Variants in VPS51 observed in about 807,000 individuals in gnomAD.
VPS51 encodes VPS51 subunit of GARP complex.
Under a neutral mutation model 65.1 loss-of-function variants are expected in VPS51, and 55 were observed. The ratio of observed to expected loss-of-function variants is 0.84; its 90% CI spans 0.68 to 1.06. The LOEUF (loss-of-function observed/expected upper bound fraction) is 1.06, where lower values mean the gene tolerates loss of function less well. Ranked by LOEUF, VPS51 falls within the 50% of genes least tolerant of loss-of-function variation. The pLI is 0.00. For synonymous variants in VPS51, 473 were observed against 489.5 expected, an observed-to-expected ratio of 0.97 and a Z score of 0.44; for missense variants, 943 against 1,101.6, an observed-to-expected ratio of 0.86 and a Z score of 2.04.
In VPS51 at chr11:65,107,762, T is replaced by A; in HGVS notation, c.505+35T>A. On this transcript the variant is annotated intron_variant, in intron 3 of 9. Coordinates refer to ENST00000279281, the MANE Select transcript of VPS51 (RefSeq NM_013265.4). The surrounding 1 kb of genome is among the most constrained non-coding windows in gnomAD (Gnocchi z 4.0). ...GCCGGGCAGGGCCTGCAGTGGGCCT[T>A]TCCTGGGGCTCTGGGGCTAACGTCA... 6.2e-7 allele frequency: 1 copy of A among 1,604,644 alleles called. No homozygotes were observed. The highest frequency in any genetic ancestry group is 8.5e-7 in the Non-Finnish European group (1 of 1,175,652).
At position 65,111,852 on chromosome 11, in the gene VPS51, C is replaced by T. The variant is rs1590815300; in HGVS notation, c.*265C>T. 7 of 991,252 alleles carry T rather than the reference C, an allele frequency of 7.1e-6. No individual in the cohort carries two copies. In the East Asian group the frequency reaches 7.8e-5, roughly 11 times the overall value. 61.4% of individuals were successfully genotyped at this position (991,252 alleles called of 1,614,324 possible). ...CAGGGGGCGGTTCCACTTAAAAACC[C>T]TGGGACGAGAGCGGTCCTTGTCTGC... On this transcript the variant is annotated 3_prime_UTR_variant, in exon 10 of 10. Transcript: ENST00000279281.
intron 2 of VPS51, among the ~76,000 whole-genome samples, chr11:65,102,057 T>C (rs559308392): frequency 1.7e-4 from 26 of 149,310 alleles, no homozygotes; most frequent in Admixed American, 1.0e-3. Flanking sequence ...TCTTGCTCTG[T>C]CATCCAGGCT....
chr11:65,096,877 CG>C, intron 1 of VPS51, 120 bp from the exon 2 acceptor site: 1 of 1,389,552 alleles, frequency 7.2e-7, no homozygotes, highest in East Asian at 2.7e-5. Context: ...TGACAGCCGG[CG>C]GGGGTTTGCG....
chr11:65,101,894 A>G (rs1319136828), intron 2 of VPS51, among the ~76,000 whole-genome samples: 1 of 151,780 alleles, frequency 6.6e-6, no homozygotes, highest in Non-Finnish European at 1.5e-5. Flanking sequence ...GGGAAACAGC[A>G]TAACCAGCAA....
intron 7 of VPS51, 57 bp from the exon 8 acceptor site, chr11:65,110,425 T>A: frequency 6.2e-7 from 1 of 1,612,804 alleles, no homozygotes; most frequent in Non-Finnish European, 8.5e-7. Flanking sequence ...TCAGCACCGA[T>A]GGGCTGGTGG....
intron 2 of VPS51, among the ~76,000 whole-genome samples, chr11:65,100,825 C>T (rs1359880100): frequency 6.6e-6 from 1 of 152,050 alleles, no homozygotes; most frequent in East Asian, 1.9e-4. Flanking sequence ...GGATTACAGG[C>T]AAGAGCCACC....
intron 9 of VPS51, 178 bp from the exon 10 acceptor site, chr11:65,111,149 C>T: frequency 2.1e-6 from 2 of 974,436 alleles, no homozygotes; most frequent in Non-Finnish European, 3.2e-6. Flanking sequence ...CTACCTGTCC[C>T]CTGCCCTCCA....
intron 2 of VPS51, among the ~76,000 whole-genome samples, chr11:65,098,140 C>T (rs1262710848): frequency 2.6e-5 from 4 of 152,032 alleles, no homozygotes; most frequent in Admixed American, 6.6e-5. Context: ...AAGATCACGT[C>T]ACTGCACTCC....
In VPS51 at chr11:65,108,230, G is replaced by A. The variant is rs1412337542; in HGVS notation, c.759G>A (p.Glu253=). The change falls in exon 5 of 10, where the codon GAG becomes GAA. Residue 253 remains glutamate, a synonymous_variant. Coordinates refer to ENST00000279281, the MANE Select transcript of VPS51 (RefSeq NM_013265.4). The part of the protein sequence containing the change: ...EGGSGAPEQA[E]CVELLLALGE... ...GCTCAGGCGCCCCGGAGCAGGCAGA[G>A]TGCGTGGAGCTGCTGCTGGCCCTGG... The A allele has an allele frequency of 1.0e-5, 16 of 1,600,438 alleles. No individual in the cohort carries two copies. Among genetic ancestry groups the A allele is most frequent in the Middle Eastern group, 2.0e-4 (1 of 5,070 alleles).
At chr11:65,104,298 A>G (rs1947828252) in intron 2 of VPS51, among the ~76,000 whole-genome samples, 1 of 152,162 alleles carries the variant, frequency 6.6e-6, no homozygotes, top group Admixed American at 6.5e-5. Flanking sequence ...TATCTCCATA[A>G]TACATCTCGT....
chr11:65,109,704 G>C lies in VPS51; in HGVS notation c.1660-1G>C, dbSNP rs755959864. 2.6e-6 allele frequency: 4 copies of C among 1,562,980 alleles called. No individual in the cohort carries two copies. Among genetic ancestry groups the C allele is most frequent in the Non-Finnish European group, 3.5e-6 (4 of 1,153,098 alleles). ...CTCTGTCCTCTGCCTCCTTGGCTCA[G>C]GATCAGTTCCCAGTGACGCCCGTGA... is the stretch of plus-strand genomic sequence containing the variant. On this transcript the variant is annotated splice_acceptor_variant, in intron 6 of 9. Transcript: ENST00000279281. LOFTEE classifies it high-confidence loss of function.
chr11:65,111,012 C>T (rs1947893923), intron 9 of VPS51: 6 of 662,400 alleles, frequency 9.1e-6, no homozygotes, highest in Admixed American at 7.4e-5. Flanking sequence ...GGGTGCTGAC[C>T]TGGGATTACT....
rs770215985 is a variant in VPS51 at position 65,096,499 on chromosome 11, G to T, written c.228+21G>T. The T allele has an allele frequency of 5.3e-6, 6 of 1,127,542 alleles. No homozygotes were observed. The Admixed American group carries it at 1.8e-4, about 34-fold the overall frequency. 69.8% of individuals were successfully genotyped at this position (1,127,542 alleles called of 1,614,324 possible). ...ACAAGGTGTGTGCGCACGGGGAGTG[G>T]GGGGGTGCGGGGAGGGGGGAAGGGA... On this transcript the variant is annotated intron_variant, in intron 1 of 9. Coordinates refer to ENST00000279281, the MANE Select transcript of VPS51 (RefSeq NM_013265.4).
chr11:65,104,246 C>T (rs2137185586), intron 2 of VPS51, among the ~76,000 whole-genome samples: 1 of 152,280 alleles, frequency 6.6e-6, no homozygotes, highest in Admixed American at 6.5e-5. Context: ...TTGATTATAT[C>T]ATCTGCAAAT....
At chr11:65,098,688 T>C (rs888272743) in intron 2 of VPS51, among the ~76,000 whole-genome samples, 1 of 152,358 alleles carries the variant, frequency 6.6e-6, no homozygotes, top group Non-Finnish European at 1.5e-5. Flanking sequence ...TAGGCACCTT[T>C]CTGTTAGCTA....
chr11:65,108,950 C>A, intron 5 of VPS51, 36 bp downstream of exon 5: 1 of 1,602,792 alleles, frequency 6.2e-7, no homozygotes, highest in Non-Finnish European at 8.5e-7. Context: ...GTTCAACCTG[C>A]TGGTTGACCC....
Position 65,097,126 on chromosome 11 carries a change from A to G in VPS51, c.357A>G (p.Thr119=). 2 of 1,613,866 alleles carry G rather than the reference A, an allele frequency of 1.2e-6. No homozygotes were observed. Among genetic ancestry groups the G allele is most frequent in the Non-Finnish European group, 1.7e-6 (2 of 1,179,944 alleles). Residue 119 remains threonine (T), a splice_region_variant and synonymous_variant, in exon 2 of 10, where the codon ACA becomes ACG. Transcript: ENST00000279281. ...YENYNKFISA[T]DTIRKMKNDF... is the part of the protein sequence containing the mutation. Reference sequence around the variant, plus strand: ...ACTACAACAAGTTCATCTCAGCCACAGGTGATCCCCACGGGGACACACCCT... The same window carrying G: ...ACTACAACAAGTTCATCTCAGCCACGGGTGATCCCCACGGGGACACACCCT...
chr11:65,102,910 A>C (rs1947818452), intron 2 of VPS51, among the ~76,000 whole-genome samples: 1 of 152,194 alleles, frequency 6.6e-6, no homozygotes, highest in South Asian at 2.1e-4. Context: ...GGGAGGCTGA[A>C]GTGGGAGCAT....
In VPS51 at chr11:65,108,398, T is replaced by A. The variant is rs764095355; in HGVS notation, c.927T>A (p.Ser309Arg). The A allele has an allele frequency of 1.2e-6, 2 of 1,612,182 alleles. No individual in the cohort carries two copies. The highest frequency in any genetic ancestry group is 2.2e-5 in the East Asian group (1 of 44,870). The change falls in exon 5 of 10, where the codon AGT (serine) becomes AGA (arginine). Residue 309 changes from serine (S) to arginine (R), a missense_variant. Ser to Arg is a moderately radical substitution (Grantham distance 110). Around this residue, in one of 2 missense-constraint regions of VPS51, gnomAD observed 855 missense variants for 953.7 expected, o/e 0.90. Transcript: ENST00000279281. ...TAGAGTTCACCGACCATGGAGGCAG[T>A]GGCTTCGTGGGCGGCCTCTGCCAGG... The part of the protein sequence containing the change: ...DVLEFTDHGG[S>R]GFVGGLCQVA...
Sources: gnomAD v4.1 joint callset for allele counts (sites outside exome capture counted in the v4.1 genomes callset) on GRCh38, gnomAD v4.1.1 for gene constraint, gnomAD v4.1.1 regional missense constraint, Gnocchi (gnomAD v3.1) non-coding constraint, MANE v1.5 for transcripts, NCBI Gene and HGNC (gene_info 2026-07-23, HGNC 2026-07-21) for gene names.